SCNN1B: variants seen among roughly 807,000 people sequenced by gnomAD.
SCNN1B encodes the protein sodium channel epithelial 1 subunit beta, also known as epithelial sodium channel subunit beta.
A neutral mutation model predicts 65.3 loss-of-function variants in SCNN1B; 46 were observed. The ratio of observed to expected loss-of-function variants is 0.70; its 90% CI spans 0.56 to 0.90. The LOEUF is 0.90. Ranked by LOEUF, SCNN1B falls within the 40% of genes least tolerant of loss-of-function variation. The pLI is 0.00. For missense variants in SCNN1B, 751 were observed against 830.5 expected (o/e 0.90, Z 1.18); for synonymous variants, 349 against 330.6 (o/e 1.06, Z -0.60).
At chr16:23,371,658 C>A (rs1962788041) in intron 6 of SCNN1B, 118 bp from the exon 7 acceptor site, 3 of 1,035,136 alleles carry the variant, frequency 2.9e-6, no homozygotes, top group East Asian at 4.9e-5. Context: ...TCTGGCGCCC[C>A]CCCTGGCACC....
intron 1 of SCNN1B, among the ~76,000 whole-genome samples, chr16:23,306,416 T>C (rs1259577721): frequency 1.3e-5 from 2 of 152,132 alleles, no homozygotes; most frequent in African/African-American, 4.8e-5. Context: ...AAGTAAACAC[T>C]GTCTAACCAT....
At chr16:23,341,248 A>G (rs1349502454) in intron 1 of SCNN1B, among the ~76,000 whole-genome samples, 1 of 152,244 alleles carries the variant, frequency 6.6e-6, no homozygotes, top group Non-Finnish European at 1.5e-5. Context: ...ACAAGTGGAT[A>G]GGTACATGAA....
In SCNN1B at chr16:23,377,161, G is replaced by A. The variant is rs763958301; in HGVS notation, c.1271-4G>A. 5.6e-6 allele frequency: 9 copies of A among 1,613,562 alleles called. No homozygotes were observed. The highest frequency in any genetic ancestry group is 1.3e-5 in the African/African-American group (1 of 74,926). On this transcript the variant is annotated splice_polypyrimidine_tract_variant and splice_region_variant and intron_variant, in intron 8 of 12. Transcript: ENST00000343070. ...TCTTGGCCGCCTTTCTGTCTCCTGC[G>A]CAGCCCATTGCTACTCAGATCTACA...
At chr16:23,314,838 A>G (rs908292611) in intron 1 of SCNN1B, among the ~76,000 whole-genome samples, 1 of 152,218 alleles carries the variant, frequency 6.6e-6, no homozygotes, top group Non-Finnish European at 1.5e-5. Flanking sequence ...TCCTACTGCC[A>G]GATGGCCTTT....
chr16:23,354,508 G>A (rs184982325), intron 3 of SCNN1B, among the ~76,000 whole-genome samples: 149 of 152,366 alleles, frequency 9.8e-4, no homozygotes, highest in Admixed American at 2.8e-3. Flanking sequence ...TGACTTGGAT[G>A]TCATGAGAAG....
chr16:23,285,959 G>A (rs139806319), intron 2 of SCNN1B, among the ~76,000 whole-genome samples: 375 of 152,262 alleles, frequency 2.5e-3, no homozygotes, highest in African/African-American at 8.6e-3. Context: ...GGGCAACAGA[G>A]CGAGACACTG....
intron 2 of SCNN1B, among the ~76,000 whole-genome samples, chr16:23,287,612 G>C (rs1266500759): frequency 6.6e-6 from 1 of 151,886 alleles, no homozygotes; most frequent in Non-Finnish European, 1.5e-5. Context: ...GTAGTCCCAG[G>C]GGGTGGCCTA....
intron 1 of SCNN1B, chr16:23,304,163 T>G: frequency 7.6e-7 from 1 of 1,316,652 alleles, no homozygotes; most frequent in Non-Finnish European, 1.1e-6. Context: ...CAATTTATTT[T>G]TCTTTATCCT....
At chr16:23,371,093 G>A (rs1962772704) in intron 5 of SCNN1B, among the ~76,000 whole-genome samples, 1 of 152,232 alleles carries the variant, frequency 6.6e-6, no homozygotes, top group Admixed American at 6.5e-5. Context: ...TAGGGAGGAG[G>A]CTACGTAAGA....
chr16:23,366,859 T>C (rs1962680131), intron 4 of SCNN1B, among the ~76,000 whole-genome samples: 1 of 152,160 alleles, frequency 6.6e-6, no homozygotes, highest in Admixed American at 6.5e-5. Flanking sequence ...AAGAACAACA[T>C]AGAAACATCA....
chr16:23,380,742 T>C lies in SCNN1B; in HGVS notation c.1864T>C (p.Ser622Pro). The C allele has an allele frequency of 6.2e-7, 1 of 1,611,412 alleles. No individual in the cohort carries two copies. Among genetic ancestry groups the C allele is most frequent in the Non-Finnish European group, 8.5e-7 (1 of 1,179,604 alleles). ...IPGTPPPNYD[S>P]LRLQPLDVIE... ...AGGCACCCCGCCCCCCAACTATGAC[T>C]CCCTGCGTCTGCAGCCGCTGGACGT... Residue 622 changes from serine to proline, a missense_variant, in exon 13 of 13, where the codon TCC becomes CCC. Physicochemically the swap from Ser to Pro is moderately conservative, Grantham distance 74. Transcript: ENST00000343070. The surrounding 1 kb of genome is among the most constrained non-coding windows in gnomAD (Gnocchi z 5.4).
intron 1 of SCNN1B, among the ~76,000 whole-genome samples, chr16:23,310,838 A>G (rs146045188): frequency 1.3e-5 from 2 of 152,334 alleles, no homozygotes; most frequent in African/African-American, 4.8e-5. Flanking sequence ...GAAACCCACA[A>G]ATGATTATTT....
At chr16:23,313,059 A>G (rs1961377653) in intron 1 of SCNN1B, among the ~76,000 whole-genome samples, 1 of 152,192 alleles carries the variant, frequency 6.6e-6, no homozygotes, top group Non-Finnish European at 1.5e-5. Flanking sequence ...CAGGAACTGA[A>G]ACACTTAGAG....
At chr16:23,308,310 G>A (rs1227548473) in intron 1 of SCNN1B, among the ~76,000 whole-genome samples, 2 of 152,116 alleles carry the variant, frequency 1.3e-5, no homozygotes, top group Admixed American at 6.5e-5. Flanking sequence ...ATCAATTGAG[G>A]CCAGGAGTTC....
chr16:23,372,015 C>A (rs1962796587), intron 7 of SCNN1B, 132 bp downstream of exon 7: 3 of 736,938 alleles, frequency 4.1e-6, no homozygotes, highest in African/African-American at 1.7e-5. Context: ...CCACGGGGCA[C>A]CCCGGGCCTG....
At chr16:23,366,175 C>T (rs1028232426) in intron 4 of SCNN1B, among the ~76,000 whole-genome samples, 2 of 151,858 alleles carry the variant, frequency 1.3e-5, no homozygotes, top group Non-Finnish European at 2.9e-5. Flanking sequence ...TACTCTCATT[C>T]CTTCCTGTTT....
At chr16:23,358,339 G>A (rs1230540791) in intron 4 of SCNN1B, 1 of 152,124 alleles carries the variant, frequency 6.6e-6, no homozygotes, top group Admixed American at 6.6e-5. Context: ...CGAGGGGTAG[G>A]GGGTAAGTGT....
Position 23,371,847 on chromosome 16 carries a change from C to A in SCNN1B, c.1116C>A (p.Asn372Lys). 6.2e-7 allele frequency: 1 copy of A among 1,614,174 alleles called. No homozygotes were observed. The highest frequency in any genetic ancestry group is 8.5e-7 in the Non-Finnish European group (1 of 1,179,950). ...ATGGTTCTGAGGTCCCCGTCCAAAA[C>A]TTCTACAGTGACTACAACACGACCT... ...TVNGSEVPVQNFYSDYNTTYS... is the reference protein window; with the variant it reads ...TVNGSEVPVQKFYSDYNTTYS... The change falls in exon 7 of 13, where the codon AAC (asparagine) becomes AAA (lysine). Residue 372 changes from asparagine to lysine, a missense_variant. Coordinates refer to ENST00000343070, the MANE Select transcript of SCNN1B (RefSeq NM_000336.3).
chr16:23,349,642 G>T (rs1962266634), intron 2 of SCNN1B, among the ~76,000 whole-genome samples: 2 of 152,138 alleles, frequency 1.3e-5, no homozygotes, highest in Admixed American at 6.5e-5. Flanking sequence ...TTCCACGCGT[G>T]TTTACGGAGC....
Sources: gnomAD v4.1 joint callset for allele counts (sites outside exome capture counted in the v4.1 genomes callset) on GRCh38, gnomAD v4.1.1 for gene constraint, Gnocchi (gnomAD v3.1) non-coding constraint, MANE v1.5 for transcripts, NCBI Gene and HGNC (gene_info 2026-07-23, HGNC 2026-07-21) for gene names.